Variants in ITPR3 observed in about 807,000 individuals in gnomAD.
ITPR3 encodes inositol 1,4,5-trisphosphate receptor type 3, also known as inositol 1,4,5-trisphosphate-gated calcium channel ITPR3.
In ITPR3, 173 loss-of-function variants were observed where a neutral mutation model predicts 293.2. That is an observed-to-expected ratio of 0.59 (90% confidence interval 0.52 to 0.67). The LOEUF (loss-of-function observed/expected upper bound fraction) is 0.67, where lower values mean the gene tolerates loss of function less well. Ranked by LOEUF, ITPR3 falls within the 30% of genes least tolerant of loss-of-function variation. The probability of loss-of-function intolerance (pLI) is 0.00; values close to 1 mark genes in which losing one functional copy is unlikely to be tolerated. For synonymous variants in ITPR3, 1,295 were observed against 1,444.4 expected (o/e 0.90, Z 2.35); for missense variants, 2,796 against 3,592.1 (o/e 0.78, Z 5.66).
chr6:33,664,881 T>A lies in ITPR3; in HGVS notation c.1160T>A (p.Val387Asp). ...TDSFVPRNSY[V>D]RLRHLCTNTW... ...CCACCCACCTGCAGGAACTCGTACG[T>A]CCGGCTGCGGCACCTCTGCACCAAC... The change falls in exon 12 of 58, where the codon GTC becomes GAC. Residue 387 changes from valine (V) to aspartate (D), a missense_variant. Transcript: ENST00000605930. This position sits in a 1 kb window ranked among gnomAD's most constrained non-coding sequence, Gnocchi z 4.4. The A allele has an allele frequency of 6.2e-7, 1 of 1,613,334 alleles. No homozygotes were observed. The highest frequency in any genetic ancestry group is 1.1e-5 in the South Asian group (1 of 91,068).
Position 33,687,625 on chromosome 6 carries a change from A to T in ITPR3, c.6264+61A>T, listed in dbSNP as rs1170789988. ...GCCTGGAACCCAGGGAGGACACTTG[A>T]CCCAAGGGCGTGGCCTGGAACAGAG... On this transcript the variant is annotated intron_variant, in intron 46 of 57. Coordinates refer to ENST00000605930, the MANE Select transcript of ITPR3 (RefSeq NM_002224.4). This position sits in a 1 kb window ranked among gnomAD's most constrained non-coding sequence, Gnocchi z 5.3. 10 of 1,367,594 alleles carry T rather than the reference A, an allele frequency of 7.3e-6. No homozygotes were observed. The highest frequency in any genetic ancestry group is 9.3e-6 in the Non-Finnish European group (9 of 972,690). The allele number at this position is 1,367,594 out of a possible 1,614,324, so 84.7% of individuals were successfully genotyped here.
At position 33,662,701 on chromosome 6, in the gene ITPR3, C is replaced by T. The variant is rs368126454; in HGVS notation, c.858+27C>T. The T allele has an allele frequency of 1.2e-5, 20 of 1,601,438 alleles. No homozygotes were observed. The African/African-American group carries it at 2.4e-4, about 19-fold the overall frequency. ...TCAGAAAAGCCCTGCTTCTGGCACC[C>T]CGGACTCAGCCTTGGATGCCACCCC... On this transcript the variant is annotated intron_variant, in intron 8 of 57. Transcript: ENST00000605930.
chr6:33,683,954 G>A lies in ITPR3; in HGVS notation c.4789-66G>A. On this transcript the variant is annotated intron_variant, in intron 35 of 57. Transcript: ENST00000605930. The surrounding 1 kb of genome is among the most constrained non-coding windows in gnomAD (Gnocchi z 4.5). ...GTGGGGCTGTTTGGCGTTTGGGTCGGAGGAATGGCAGTCACACCCGGGTCA... is the reference window on the plus strand; with the variant it reads ...GTGGGGCTGTTTGGCGTTTGGGTCGAAGGAATGGCAGTCACACCCGGGTCA... The A allele has an allele frequency of 1.3e-6, 2 of 1,530,802 alleles. No homozygotes were observed. The highest frequency in any genetic ancestry group is 1.8e-6 in the Non-Finnish European group (2 of 1,138,300). 94.8% of individuals were successfully genotyped at this position (1,530,802 alleles called of 1,614,324 possible).
chr6:33,640,091 T>C (rs1763913676), intron 1 of ITPR3, among the ~76,000 whole-genome samples: 2 of 152,150 alleles, frequency 1.3e-5, no homozygotes, highest in South Asian at 2.1e-4. Context: ...CCTCTATGCT[T>C]TTGTTTTTCT....
At chr6:33,662,076 C>G (rs1459141257) in intron 7 of ITPR3, among the ~76,000 whole-genome samples, 1 of 151,094 alleles carries the variant, frequency 6.6e-6, no homozygotes, top group Non-Finnish European at 1.5e-5. Context: ...CCATGCTGCC[C>G]CCATCCAACA....
intron 10 of ITPR3, 47 bp from the exon 11 acceptor site, chr6:33,663,691 C>T: frequency 6.2e-7 from 1 of 1,610,894 alleles, no homozygotes; most frequent in Non-Finnish European, 8.5e-7. Flanking sequence ...GCTTCATGGG[C>T]TTGAGAAGAG....
Position 33,688,744 on chromosome 6 carries a change from T to C in ITPR3, c.6657T>C (p.Ile2219=). ...FNLAVFINII[I]AFFYPYMEGA... Reference sequence around the variant, plus strand: ...TGGCCGTGTTTATCAACATCATCATTGCCTTCTTCTACCCTTACATGGAGG... The same window carrying C: ...TGGCCGTGTTTATCAACATCATCATCGCCTTCTTCTACCCTTACATGGAGG... Residue 2219 remains isoleucine (I), a synonymous_variant, in exon 49 of 58, where the codon ATT becomes ATC. Coordinates refer to ENST00000605930, the MANE Select transcript of ITPR3 (RefSeq NM_002224.4). 2 of 1,614,186 alleles carry C rather than the reference T, an allele frequency of 1.2e-6. No individual in the cohort carries two copies. The highest frequency in any genetic ancestry group is 1.7e-6 in the Non-Finnish European group (2 of 1,180,010).
At chr6:33,688,455 T>TGGGGGGGGG in intron 48 of ITPR3, 24 bp downstream of exon 48, 2 of 169,476 alleles carry the variant, frequency 1.2e-5, no homozygotes, top group South Asian at 4.0e-5. Context: ...GGCGGGAGGG[T>TGGGGGGGGG]GGGGCGGTCT....
At position 33,636,014 on chromosome 6, in the gene ITPR3, C is replaced by T. The variant is rs865820912; in HGVS notation, c.90-4470C>T. Among the ~76,000 whole-genome samples, 90 of 149,014 alleles carry T rather than the reference C, an allele frequency of 6.0e-4. 1 individual carries two copies. Among genetic ancestry groups the T allele is most frequent in the Middle Eastern group, 7.1e-3 (2 of 282 alleles). ...TTTAAAGGGATCCCCTGGCCGGGTT[C>T]GGTGGCTCACGCCTGGAATCCCAGC... On this transcript the variant is annotated intron_variant, in intron 1 of 57. Coordinates refer to ENST00000605930, the MANE Select transcript of ITPR3 (RefSeq NM_002224.4).
At chr6:33,630,252 T>C (rs1763643361) in intron 1 of ITPR3, among the ~76,000 whole-genome samples, 1 of 152,220 alleles carries the variant, frequency 6.6e-6, no homozygotes, top group Admixed American at 6.5e-5. Context: ...GCTGCTTCAC[T>C]TTCTGGATTG....
rs373737531 is a variant in ITPR3, at chr6:33,686,055, C to A, written c.5670C>A (p.Asn1890Lys). 5.0e-6 allele frequency: 8 copies of A among 1,614,058 alleles called. No individual in the cohort carries two copies. Among genetic ancestry groups the A allele is most frequent in the Non-Finnish European group, 6.8e-6 (8 of 1,180,030 alleles). ...CCCAACCCTTCTGTGCCCCGCAGAACTTCCTGCGCTGTCAGAACAACAAAA... is the reference window on the plus strand; with the variant it reads ...CCCAACCCTTCTGTGCCCCGCAGAAATTCCTGCGCTGTCAGAACAACAAAA... ...LCENHNRDLQNFLRCQNNKTN... is the reference protein window; with the variant it reads ...LCENHNRDLQKFLRCQNNKTN... The change falls in exon 42 of 58, where the codon AAC (asparagine) becomes AAA (lysine). Residue 1890 changes from asparagine to lysine, a missense_variant and splice_region_variant. This residue lies in a region of ITPR3 where 704 missense variants were observed against 797.5 expected (regional missense o/e 0.88). Transcript: ENST00000605930.
Position 33,683,907 on chromosome 6 carries a change from TCAGA to T in ITPR3, c.4789-108_4789-105del. The T allele has an allele frequency of 1.6e-6, 2 of 1,224,594 alleles. No homozygotes were observed. Among genetic ancestry groups the T allele is most frequent in the African/African-American group, 3.0e-5 (2 of 66,760 alleles). 75.9% of individuals were successfully genotyped at this position (1,224,594 alleles called of 1,614,324 possible). On this transcript the variant is annotated intron_variant, in intron 35 of 57. Coordinates refer to ENST00000605930, the MANE Select transcript of ITPR3 (RefSeq NM_002224.4). This position sits in a 1 kb window ranked among gnomAD's most constrained non-coding sequence, Gnocchi z 4.5. Reference sequence around the variant, plus strand: ...GGGTGTCTCTGTGGGTGTGGGCCCCTCAGACAGAGGCAGGGCAATCTGTGGGGCT... The same window carrying T: ...GGGTGTCTCTGTGGGTGTGGGCCCCTCAGAGGCAGGGCAATCTGTGGGGCT...
chr6:33,691,643 T>G lies in ITPR3; in HGVS notation c.7254T>G (p.Ala2418=). The change falls in exon 53 of 58, where the codon GCT becomes GCG. Residue 2418 remains alanine (A), a synonymous_variant. Coordinates refer to ENST00000605930, the MANE Select transcript of ITPR3 (RefSeq NM_002224.4). The surrounding 1 kb of genome is among the most constrained non-coding windows in gnomAD (Gnocchi z 4.9). Reference sequence around the variant, plus strand: ...GCCCCCTGGGGATGCCACATGGAGCTGCTGCATTTGTGGACACCTGCAGTG... The same window carrying G: ...GCCCCCTGGGGATGCCACATGGAGCGGCTGCATTTGTGGACACCTGCAGTG... ...TASPLGMPHG[A]AAFVDTCSGD... 6.2e-7 allele frequency: 1 copy of G among 1,614,014 alleles called. No homozygotes were observed. The highest frequency in any genetic ancestry group is 1.1e-5 in the South Asian group (1 of 91,064).
intron 43 of ITPR3, 94 bp downstream of exon 43, chr6:33,686,613 G>A (rs1765239419): frequency 1.1e-6 from 1 of 941,074 alleles, no homozygotes. Flanking sequence ...ATAGTGGTGT[G>A]TAATGTGGGT....
chr6:33,627,187 A>G (rs2151275743), intron 1 of ITPR3, among the ~76,000 whole-genome samples: 1 of 152,318 alleles, frequency 6.6e-6, no homozygotes, highest in Admixed American at 6.5e-5. Flanking sequence ...TCTTGGTCTT[A>G]GCCTAATCCA....
rs544933075 is a variant in ITPR3 at position 33,687,215 on chromosome 6, T to G, written c.6076-11T>G. 1.2e-6 allele frequency: 2 copies of G among 1,607,862 alleles called. No homozygotes were observed. Among genetic ancestry groups the G allele is most frequent in the East Asian group, 4.5e-5 (2 of 44,834 alleles). ...AGGAAGAGAGCATTGGAACAGGCAC[T>G]GCCCCTCCAGGTGGACGTCATCAAG... On this transcript the variant is annotated splice_polypyrimidine_tract_variant and intron_variant, in intron 44 of 57. Transcript: ENST00000605930. This position sits in a 1 kb window ranked among gnomAD's most constrained non-coding sequence, Gnocchi z 5.3.
chr6:33,676,821 G>A lies in ITPR3; in HGVS notation c.3336G>A (p.Ser1112=), dbSNP rs570403935. ...TGGAGAACTACAAGGTGATCAAGTC[G>A]GAGCTGGACCGGCTGCGGACCATGG... is the stretch of plus-strand genomic sequence containing the variant. ...QDVENYKVIK[S]ELDRLRTMVE... The change falls in exon 26 of 58, where the codon TCG becomes TCA. Residue 1112 remains serine (S), a synonymous_variant. Coordinates refer to ENST00000605930, the MANE Select transcript of ITPR3 (RefSeq NM_002224.4). The A allele has an allele frequency of 5.0e-5, 80 of 1,614,062 alleles. No individual in the cohort carries two copies. In the South Asian group the frequency reaches 6.4e-4, roughly 13 times the overall value.
rs1764629829 is a variant in ITPR3 at position 33,667,153 on chromosome 6, T to G, written c.1576T>G (p.Phe526Val). The G allele has an allele frequency of 1.9e-6, 3 of 1,614,098 alleles. No homozygotes were observed. Among genetic ancestry groups the G allele is most frequent in the Non-Finnish European group, 2.5e-6 (3 of 1,179,964 alleles). ...KQVFGILKAP[F>V]REKGGEGPLV... is the part of the protein sequence containing the mutation. ...GGTCTTTGGCATTCTGAAGGCCCCG[T>G]TCCGTGAGAAGGGGGGTGAAGGTCC... Residue 526 changes from phenylalanine (F) to valine (V), a missense_variant, in exon 15 of 58, where the codon TTC becomes GTC. Physicochemically the swap from Phe to Val is conservative, Grantham distance 50. Transcript: ENST00000605930. This position sits in a 1 kb window ranked among gnomAD's most constrained non-coding sequence, Gnocchi z 4.4.
At chr6:33,631,648 C>G (rs762942465) in intron 1 of ITPR3, among the ~76,000 whole-genome samples, 1 of 152,182 alleles carries the variant, frequency 6.6e-6, no homozygotes, top group Non-Finnish European at 1.5e-5. Flanking sequence ...TTTAAGCCTC[C>G]GGATGACTGC....
Sources: allele counts gnomAD v4.1 joint callset (sites outside exome capture counted in the v4.1 genomes callset), GRCh38; gene constraint gnomAD v4.1.1; regional missense constraint gnomAD v4.1.1; non-coding constraint Gnocchi (gnomAD v3.1); transcripts MANE v1.5; gene names NCBI Gene and HGNC (gene_info 2026-07-23, HGNC 2026-07-21).